The following PHLDB3 variants were observed in gnomAD, a reference collection of about 807,000 sequenced individuals.
The protein encoded by PHLDB3 is pleckstrin homology like domain family B member 3.
Under a neutral mutation model 85.7 loss-of-function variants are expected in PHLDB3, and 86 were observed. That is an observed-to-expected ratio of 1.00 (90% CI 0.84 to 1.20). The LOEUF (loss-of-function observed/expected upper bound fraction) is 1.20. Ranked by LOEUF, PHLDB3 falls within the 50% of genes most tolerant of loss-of-function variation. PHLDB3 has a pLI of 0.00. For synonymous variants in PHLDB3, 376 were observed against 349.8 expected, an observed-to-expected ratio of 1.07 and a Z score of -0.83; for missense variants, 995 against 873.0, an observed-to-expected ratio of 1.14 and a Z score of -1.76.
intron 6 of PHLDB3, 143 bp from the exon 7 acceptor site, chr19:43,495,763 GCGTTCAGCT>G: frequency 1.7e-6 from 2 of 1,207,058 alleles, no homozygotes; most frequent in Non-Finnish European, 1.1e-6. Context: ...TGGGGACCCA[GCGTTCAGCT>G]CCCTGGACCC....
intron 1 of PHLDB3, 108 bp from the exon 2 acceptor site, chr19:43,504,240 T>A: frequency 3.9e-6 from 4 of 1,030,266 alleles, no homozygotes; most frequent in Non-Finnish European, 5.5e-6. Context: ...AGGCGGGGCC[T>A]AAGAGTTCAA....
chr19:43,502,786 G>T lies in PHLDB3; in HGVS notation c.214-503C>A, dbSNP rs140861145. Among the ~76,000 whole-genome samples, 68 of 152,106 alleles carry T rather than the reference G, an allele frequency of 4.5e-4. 2 individuals are homozygous for T. Among genetic ancestry groups the T allele is most frequent in the African/African-American group, 1.6e-3 (65 of 41,510 alleles). ...CCCCTGTATTTAAGGTCGGAGTGGG[G>T]GAGGGTGCAAGTCCCGTGACCACCC... On this transcript the variant is annotated intron_variant, in intron 2 of 15. Transcript: ENST00000292140.
chr19:43,495,673 C>T, intron 6 of PHLDB3, 53 bp from the exon 7 acceptor site: 2 of 1,561,896 alleles, frequency 1.3e-6, no homozygotes, highest in African/African-American at 2.7e-5. Context: ...AGGCCACCCT[C>T]CCACAGAACC....
At chr19:43,484,847 C>T (rs185730584) in intron 13 of PHLDB3, among the ~76,000 whole-genome samples, 227 of 152,148 alleles carry the variant, frequency 1.5e-3, no homozygotes, top group African/African-American at 5.0e-3. Context: ...TGGCTGGGCA[C>T]CAATGCCCTA....
In PHLDB3 at chr19:43,494,953, T is replaced by A. The variant is rs1314668765; in HGVS notation, c.1036-138A>T. The stretch of plus-strand genomic sequence containing the variant: ...ACTAAGGAGAGATGGAATGTGGTCC[T>A]TCGTGTCCAGTCTCCCAATGTAGGG... On this transcript the variant is annotated intron_variant, in intron 8 of 15. Transcript: ENST00000292140. The A allele has an allele frequency of 6.8e-5, 46 of 674,254 alleles. No individual in the cohort carries two copies. In the East Asian group the frequency reaches 1.3e-3, roughly 18 times the overall value. The allele number at this position is 674,254 out of a possible 1,614,324, so 41.8% of individuals were successfully genotyped here.
chr19:43,488,111 G>A (rs62115725), intron 9 of PHLDB3, among the ~76,000 whole-genome samples: 2,270 of 150,914 alleles, frequency 0.015, 30 homozygotes, highest in Middle Eastern at 0.034. Context: ...CCGAGATCTC[G>A]CCACTGAAAT....
At chr19:43,484,977 T>G (rs1164436517) in intron 13 of PHLDB3, among the ~76,000 whole-genome samples, 3 of 148,902 alleles carry the variant, frequency 2.0e-5, no homozygotes, top group Admixed American at 6.7e-5. Flanking sequence ...ATAAAATACA[T>G]TAAAAATATA....
chr19:43,481,747 T>G (rs1384800377), intron 13 of PHLDB3, among the ~76,000 whole-genome samples: 2 of 144,172 alleles, frequency 1.4e-5, no homozygotes, highest in Non-Finnish European at 1.5e-5. Context: ...TGAGCCGAGA[T>G]CACACCACGG....
In PHLDB3 at chr19:43,481,457, G is replaced by A. The variant is rs1414873598; in HGVS notation, c.1486-1864C>T. ...AACATGGAGAAACCCTGTCTCTGCTGAAAATACAAAATTAGCCAGGCGTGG... is the reference window on the plus strand; with the variant it reads ...AACATGGAGAAACCCTGTCTCTGCTAAAAATACAAAATTAGCCAGGCGTGG... On this transcript the variant is annotated intron_variant, in intron 13 of 15. Transcript: ENST00000292140. Among the ~76,000 whole-genome samples, 12 of 152,212 alleles carry A rather than the reference G, an allele frequency of 7.9e-5. No homozygotes were observed. In the South Asian group the frequency reaches 2.5e-3, roughly 32 times the overall value.
In PHLDB3 at chr19:43,501,850, G is replaced by A. The variant is rs1312332806; in HGVS notation, c.418C>T (p.Leu140=). The A allele has an allele frequency of 1.1e-5, 17 of 1,592,904 alleles. No homozygotes were observed. Among genetic ancestry groups the A allele is most frequent in the Non-Finnish European group, 1.5e-5 (17 of 1,170,306 alleles). The change falls in exon 4 of 16, where the codon CTG becomes TTG. Residue 140 remains leucine (L), a synonymous_variant. Transcript: ENST00000292140. ...RIEMEVEVAL[L]RGELAGERVA... ...CGCTCCCCAGCCAGCTCACCCCGCA[G>A]CAAGGCCACCTCCACCTCCATCTGC...
intron 9 of PHLDB3, 79 bp downstream of exon 9, chr19:43,494,623 T>A: frequency 8.4e-7 from 1 of 1,183,458 alleles, no homozygotes; most frequent in South Asian, 1.5e-5. Flanking sequence ...AGACCCCAGT[T>A]CGGGGACTCT....
rs377685218 is a variant in PHLDB3, at chr19:43,486,658, C to T, written c.1379G>A (p.Arg460Gln). The change falls in exon 12 of 16, where the codon CGG (arginine) becomes CAG (glutamine). Residue 460 changes from arginine (R) to glutamine (Q), a missense_variant. Transcript: ENST00000292140. ...CTCCGCCATGGCCTGCTGCAGGAGC[C>T]GCTCCATGTGGGCAATGTCTGGATG... ...AIHPDIAHME[R>Q]LLQQAMAERE... The T allele has an allele frequency of 8.0e-5, 129 of 1,613,830 alleles. No individual in the cohort carries two copies. The highest frequency in any genetic ancestry group is 9.4e-5 in the Non-Finnish European group (111 of 1,179,860).
At chr19:43,496,928 G>T in intron 6 of PHLDB3, 190 bp downstream of exon 6, 1 of 867,050 alleles carries the variant, frequency 1.2e-6, no homozygotes, top group Non-Finnish European at 1.5e-6. Flanking sequence ...AGGATTCAGT[G>T]AGGAAATGCT....
intron 13 of PHLDB3, 79 bp downstream of exon 13, chr19:43,486,187 T>C: frequency 6.9e-7 from 1 of 1,458,370 alleles, no homozygotes; most frequent in Non-Finnish European, 9.0e-7. Flanking sequence ...GAGGAAAGGG[T>C]CAGATGTAAG....
chr19:43,492,411 G>C (rs957456766), intron 9 of PHLDB3, among the ~76,000 whole-genome samples: 2 of 151,704 alleles, frequency 1.3e-5, no homozygotes, highest in Non-Finnish European at 2.9e-5. Flanking sequence ...TTAAGACAAA[G>C]TCTCACTCTG....
intron 9 of PHLDB3, among the ~76,000 whole-genome samples, chr19:43,491,257 A>G (rs1368702498): frequency 6.6e-6 from 1 of 152,202 alleles, no homozygotes; most frequent in African/African-American, 2.4e-5. Flanking sequence ...TTAATTTCCC[A>G]TACAGAAGAA....
At position 43,484,352 on chromosome 19, in the gene PHLDB3, T is replaced by C. The variant is rs183084917; in HGVS notation, c.1485+1914A>G. On this transcript the variant is annotated intron_variant, in intron 13 of 15. Coordinates refer to ENST00000292140, the MANE Select transcript of PHLDB3 (RefSeq NM_198850.4). ...TGTGAATATGGACTATATATTACAA[T>C]ATAATGAAATTAATAATCTCATAAG... Among the ~76,000 whole-genome samples the C allele has an allele frequency of 2.7e-4, 40 of 149,536 alleles. No homozygotes were observed. The East Asian group carries it at 6.5e-3, about 24-fold the overall frequency.
At chr19:43,492,049 G>T (rs1051717587) in intron 9 of PHLDB3, among the ~76,000 whole-genome samples, 3 of 148,630 alleles carry the variant, frequency 2.0e-5, no homozygotes, top group Non-Finnish European at 4.5e-5. Context: ...TCCGCCTTCC[G>T]GGTTCAAGCG....
intron 13 of PHLDB3, among the ~76,000 whole-genome samples, chr19:43,483,567 T>C (rs957461853): frequency 1.3e-5 from 2 of 152,186 alleles, no homozygotes; most frequent in African/African-American, 4.8e-5. Flanking sequence ...GCGTGAGCTA[T>C]GGTGCCTAGC....
Sources: allele counts gnomAD v4.1 joint callset (sites outside exome capture counted in the v4.1 genomes callset), GRCh38; gene constraint gnomAD v4.1.1; transcripts MANE v1.5; gene names NCBI Gene and HGNC (gene_info 2026-07-23, HGNC 2026-07-21).